Variants in DMD observed in about 807,000 individuals in gnomAD.
The protein encoded by DMD is dystrophin.
A neutral mutation model predicts 330.1 loss-of-function variants in DMD; 63 were observed. That is an observed-to-expected ratio of 0.19 (90% confidence interval 0.16 to 0.24). The LOEUF (loss-of-function observed/expected upper bound fraction) is 0.24. Among genes scored for constraint, DMD ranks in the 10% least tolerant of loss-of-function variants. The probability of loss-of-function intolerance (pLI) is 1.00; values close to 1 mark genes in which losing one functional copy is unlikely to be tolerated. For missense variants in DMD, 3,344 were observed against 2,684.1 expected (o/e 1.25, Z -5.43); for synonymous variants, 1,223 against 959.8 (o/e 1.27, Z -5.07).
chrX:32,616,717 TTTA>T (rs1225919648), intron 11 of DMD, among the ~76,000 whole-genome samples: 1,001 of 76,473 alleles, frequency 0.013, 31 homozygotes, highest in African/African-American at 0.076. Flanking sequence ...TTTTTTTTTC[TTTA>T]AAGAATGTTA....
chrX:32,182,020 C>CT lies in DMD; in HGVS notation c.6438+34895dup, dbSNP rs776836930. ...TCGCATTTTAATCTTTGAAAATAGCCTAGCCACAGGCAAGGTGCAGCTGAA... is the reference window on the plus strand; with the variant it reads ...TCGCATTTTAATCTTTGAAAATAGCCTTAGCCACAGGCAAGGTGCAGCTGAA... On this transcript the variant is annotated intron_variant, in intron 44 of 78. Transcript: ENST00000357033. Among the ~76,000 whole-genome samples, 8 of 111,980 alleles carry CT rather than the reference C, an allele frequency of 7.1e-5. No homozygotes were observed. The South Asian group carries it at 3.0e-3, about 42-fold the overall frequency.
chrX:33,312,112 G>T, intron 1 of DMD, among the ~76,000 whole-genome samples: 1 of 109,898 alleles, frequency 9.1e-6, no homozygotes. Context: ...TGTACTGGTG[G>T]TACAATTTTT....
chrX:32,029,071 C>A (rs1294403911), intron 44 of DMD, among the ~76,000 whole-genome samples: 1 of 110,761 alleles, frequency 9.0e-6, no homozygotes, highest in Admixed American at 9.7e-5. Flanking sequence ...TGAAGAGAAA[C>A]CTGAGGTTCA....
At chrX:31,140,443 T>C (rs1302131546) in intron 76 of DMD, among the ~76,000 whole-genome samples, 1 of 112,637 alleles carries the variant, frequency 8.9e-6, no homozygotes, top group Admixed American at 9.4e-5. Context: ...GATGTGTTAT[T>C]ATCTTAGTAC....
chrX:32,903,261 G>T (rs2086458781), intron 2 of DMD, among the ~76,000 whole-genome samples: 1 of 106,621 alleles, frequency 9.4e-6, no homozygotes, highest in Admixed American at 1.0e-4. Context: ...ACTGGTATGT[G>T]TAAGGGTATG....
intron 11 of DMD, among the ~76,000 whole-genome samples, chrX:32,642,467 A>G (rs908506944): frequency 2.7e-5 from 3 of 112,003 alleles, no homozygotes; most frequent in Admixed American, 1.9e-4. Context: ...TAATACTGCC[A>G]TTTTAGCATT....
chrX:32,811,178 T>TTTAA (rs1363211065), intron 6 of DMD, among the ~76,000 whole-genome samples: 1,299 of 86,483 alleles, frequency 0.015, 24 homozygotes, highest in African/African-American at 0.051. Context: ...TACAACTTAT[T>TTTAA]AAAAAAAAAA....
At position 31,814,482 on chromosome X, in the gene DMD, C is replaced by CAAAAAAAAA. The variant is rs151208391; in HGVS notation, c.7309+5484_7309+5492dup. 2.8e-4 allele frequency among the ~76,000 whole-genome samples: 8 copies of CAAAAAAAAA among 28,991 alleles called. 1 individual carries two copies. Among genetic ancestry groups the CAAAAAAAAA allele is most frequent in the African/African-American group, 7.1e-4 (5 of 7,059 alleles). The allele number at this position is 28,991 out of a possible 115,157, so 25.2% of individuals were successfully genotyped here. On this transcript the variant is annotated intron_variant, in intron 50 of 78. Coordinates refer to ENST00000357033, the MANE Select transcript of DMD (RefSeq NM_004006.3). ...TGGGCGACAGAGTGAGACTCCGTCT[C>CAAAAAAAAA]AAAAAAAAAAAAAAAAAAAAAAAAA... is the stretch of plus-strand genomic sequence containing the variant.
At chrX:32,939,426 A>G (rs1164123628) in intron 2 of DMD, among the ~76,000 whole-genome samples, 2 of 110,887 alleles carry the variant, frequency 1.8e-5, no homozygotes, top group Middle Eastern at 4.8e-3. Flanking sequence ...ATGTAGACAG[A>G]AAGGAAAAGT....
At chrX:32,293,436 G>A (rs778020149) in intron 42 of DMD, among the ~76,000 whole-genome samples, 3 of 110,925 alleles carry the variant, frequency 2.7e-5, no homozygotes, top group Admixed American at 9.6e-5. Flanking sequence ...AAGGAGGGAG[G>A]GAGTTGTCAA....
intron 11 of DMD, among the ~76,000 whole-genome samples, chrX:32,641,247 T>C (rs1326941536): frequency 9.1e-6 from 1 of 110,284 alleles, no homozygotes; most frequent in Non-Finnish European, 1.9e-5. Context: ...TTTTCTTGTG[T>C]TCTTTTTTTT....
Position 32,034,138 on chromosome X carries a change from T to C in DMD, c.6439-65624A>G, listed in dbSNP as rs745339965. On this transcript the variant is annotated intron_variant, in intron 44 of 78. Transcript: ENST00000357033. ...AGTTAGAAGCCATGACTTGAACACATTCAAAAGCATTTCCCTGGCATACAT... is the reference window on the plus strand; with the variant it reads ...AGTTAGAAGCCATGACTTGAACACACTCAAAAGCATTTCCCTGGCATACAT... 1.1e-4 allele frequency among the ~76,000 whole-genome samples: 12 copies of C among 111,842 alleles called. No homozygotes were observed. In the East Asian group the frequency reaches 3.4e-3, roughly 32 times the overall value.
chrX:32,491,369 G>C lies in DMD; in HGVS notation c.2530C>G (p.Gln844Glu), dbSNP rs768892830. The change falls in exon 20 of 79, where the codon CAG (glutamine) becomes GAG (glutamate). Residue 844 changes from glutamine to glutamate, a missense_variant. Transcript: ENST00000357033. ...AFYNQLQQLE[Q>E]MTTTAENWLK... ...CAGTTTTCAGCAGTAGTTGTCATCT[G>C]CTCCAATTGTTGTAGCTGATTATAG... 7 of 1,209,389 alleles carry C rather than the reference G, an allele frequency of 5.8e-6. No homozygotes were observed. The highest frequency in any genetic ancestry group is 7.8e-6 in the Non-Finnish European group (7 of 894,965).
chrX:31,147,792 C>G, intron 74 of DMD, among the ~76,000 whole-genome samples: 1 of 110,395 alleles, frequency 9.1e-6, no homozygotes, highest in African/African-American at 3.3e-5. Context: ...CTAAAAGCCT[C>G]GCGACTGGTA....
intron 9 of DMD, among the ~76,000 whole-genome samples, chrX:32,675,207 A>T (rs182570150): frequency 9.2e-4 from 102 of 111,432 alleles, no homozygotes; most frequent in African/African-American, 3.2e-3. Flanking sequence ...GAAAGGATGT[A>T]TTATCTTACT....
chrX:32,105,540 A>G (rs906502652), intron 44 of DMD, among the ~76,000 whole-genome samples: 6 of 112,052 alleles, frequency 5.4e-5, no homozygotes, highest in African/African-American at 1.6e-4. Flanking sequence ...TTTATTGCCC[A>G]TATGATAGAG....
intron 62 of DMD, among the ~76,000 whole-genome samples, chrX:31,309,487 G>C (rs184257992): frequency 1.8e-5 from 2 of 111,682 alleles, no homozygotes; most frequent in African/African-American, 6.5e-5. Context: ...ATGTAGGCCC[G>C]CTCATCCTCC....
rs188528222 is a variant in DMD, at chrX:31,522,268, G to A, written c.8218-14815C>T. Among the ~76,000 whole-genome samples, 146 of 103,848 alleles carry A rather than the reference G, an allele frequency of 1.4e-3. 1 individual carries two copies. Among genetic ancestry groups the A allele is most frequent in the African/African-American group, 4.9e-3 (137 of 27,757 alleles). The allele number at this position is 103,848 out of a possible 115,157, so 90.2% of individuals were successfully genotyped here. A position where few individuals can be genotyped will look rare whatever the true frequency, so the allele number is the denominator to read the frequency against. On this transcript the variant is annotated intron_variant, in intron 55 of 78. Coordinates refer to ENST00000357033, the MANE Select transcript of DMD (RefSeq NM_004006.3). ...ATACACATCAGAGCTAAGTAACTCC[G>A]GAGGGAAGAGGGGAAGACCCATGGC... is the stretch of plus-strand genomic sequence containing the variant.
At chrX:32,192,863 T>A (rs1156647281) in intron 44 of DMD, among the ~76,000 whole-genome samples, 1 of 112,302 alleles carries the variant, frequency 8.9e-6, no homozygotes, top group Admixed American at 9.4e-5. Context: ...TGTTAACTTT[T>A]ATTTTTCTGA....
Sources: allele counts gnomAD v4.1 joint callset (sites outside exome capture counted in the v4.1 genomes callset), GRCh38; gene constraint gnomAD v4.1.1; transcripts MANE v1.5; gene names NCBI Gene and HGNC (gene_info 2026-07-23, HGNC 2026-07-21).